Variants in MEI1 observed in about 807,000 individuals in gnomAD.
The protein encoded by MEI1 is meiotic double-stranded break formation protein 1.
A neutral mutation model predicts 146.2 loss-of-function variants in MEI1; 103 were observed. The ratio of observed to expected loss-of-function variants is 0.70; its 90% CI spans 0.60 to 0.83. The LOEUF (loss-of-function observed/expected upper bound fraction) is 0.83. Among genes scored for constraint, MEI1 ranks in the 40% least tolerant of loss-of-function variants. The pLI is 0.00. For missense variants in MEI1, 1,529 were observed against 1,533.0 expected (o/e 1.00, Z 0.04); for synonymous variants, 652 against 628.2 (o/e 1.04, Z -0.57).
At chr22:41,718,421 G>A (rs2070417048) in intron 6 of MEI1, 147 bp downstream of exon 6, 1 of 686,484 alleles carries the variant, frequency 1.5e-6, no homozygotes, top group Non-Finnish European at 2.4e-6. Context: ...GAGACACACT[G>A]TGTGAAAGAT....
intron 1 of MEI1, among the ~76,000 whole-genome samples, chr22:41,700,392 G>A (rs964167720): frequency 6.6e-6 from 1 of 152,212 alleles, no homozygotes; most frequent in Non-Finnish European, 1.5e-5. Flanking sequence ...GTGCAATGGC[G>A]CCATCTCCGC....
In MEI1 at chr22:41,795,798, G is replaced by C. The variant is rs752007109; in HGVS notation, c.3730G>C (p.Gly1244Arg). ...CCAGACCCTGCAGGCCTCCTTGGAG[G>C]GCCTTCCCCCTAGCACCTCCTCAGG... ...MAQTLQASLE[G>R]LPPSTSSGQP... Residue 1244 changes from glycine to arginine, a missense_variant, in exon 30 of 31, where the codon GGC becomes CGC. Physicochemically the swap from Gly to Arg is moderately radical, Grantham distance 125 (BLOSUM62 -2). Coordinates refer to ENST00000401548, the MANE Select transcript of MEI1 (RefSeq NM_152513.4). This position sits in a 1 kb window ranked among gnomAD's most constrained non-coding sequence, Gnocchi z 4.2. 3.7e-6 allele frequency: 6 copies of C among 1,613,676 alleles called. No homozygotes were observed. The Admixed American group carries it at 8.3e-5, about 22-fold the overall frequency.
rs1421641705 is a variant in MEI1, at chr22:41,778,703, C to T, written c.2711-5C>T. On this transcript the variant is annotated splice_polypyrimidine_tract_variant and splice_region_variant and intron_variant, in intron 21 of 30. Transcript: ENST00000401548. The stretch of plus-strand genomic sequence containing the variant: ...TTCTTGCCCAGTCCTCCTTGTTCTT[C>T]ACAGCCTCGGGGAACCTACCATTGC... 1 of 1,594,030 alleles carries T rather than the reference C, an allele frequency of 6.3e-7. No homozygotes were observed.
chr22:41,742,674 C>A (rs2072980963), intron 11 of MEI1, among the ~76,000 whole-genome samples: 1 of 152,198 alleles, frequency 6.6e-6, no homozygotes, highest in African/African-American at 2.4e-5. Flanking sequence ...TTTTTTGAGA[C>A]AAAGTCTTGT....
chr22:41,771,205 C>T (rs1181501023), intron 20 of MEI1, among the ~76,000 whole-genome samples: 1 of 152,110 alleles, frequency 6.6e-6, no homozygotes, highest in Non-Finnish European at 1.5e-5. Flanking sequence ...CCTCTCTTCC[C>T]CCCAGGGGAT....
chr22:41,717,163 A>T (rs1439610087), intron 5 of MEI1, among the ~76,000 whole-genome samples: 6 of 152,028 alleles, frequency 3.9e-5, no homozygotes, highest in African/African-American at 1.4e-4. Context: ...TCCCCTTTTT[A>T]AAAAAATTAA....
intron 5 of MEI1, among the ~76,000 whole-genome samples, chr22:41,716,355 CTTTTTTTTTTTTTTTTTTTTTTTTT>C (rs6147630): frequency 1.3e-3 from 155 of 118,558 alleles, no homozygotes; most frequent in Admixed American, 1.4e-3. Context: ...TCCATTCATT[CTTTTTTTTTTTTTTTTTTTTTTTTT>C]TTTTTTTTTT....
intron 15 of MEI1, 47 bp from the exon 16 acceptor site, chr22:41,752,544 C>T (rs2073829459): frequency 6.6e-7 from 1 of 1,525,976 alleles, no homozygotes; most frequent in African/African-American, 1.4e-5. Flanking sequence ...CTCTCTGTGA[C>T]AAGTCTGGTT....
intron 6 of MEI1, among the ~76,000 whole-genome samples, chr22:41,719,407 G>A (rs1601717749): frequency 6.6e-6 from 1 of 152,216 alleles, no homozygotes; most frequent in South Asian, 2.1e-4. Context: ...GGCTGGTCTC[G>A]AACTCCTGAT....
intron 21 of MEI1, among the ~76,000 whole-genome samples, chr22:41,778,301 A>AT (rs55810731): frequency 0.64 from 97,091 of 152,028 alleles, 34,150 homozygotes; most frequent in East Asian, 0.92. Context: ...ATACTATTAC[A>AT]TTGGGGGTTA....
At chr22:41,708,862 A>C (rs1465122172) in intron 3 of MEI1, among the ~76,000 whole-genome samples, 1 of 152,216 alleles carries the variant, frequency 6.6e-6, no homozygotes, top group Non-Finnish European at 1.5e-5. Context: ...TAAGGGAGTT[A>C]AGTCTATGCT....
In MEI1 at chr22:41,781,620, A is replaced by G. The variant is rs935029306; in HGVS notation, c.2927-65A>G. 27 of 1,567,036 alleles carry G rather than the reference A, an allele frequency of 1.7e-5. No individual in the cohort carries two copies. The African/African-American group carries it at 2.8e-4, about 16-fold the overall frequency. On this transcript the variant is annotated intron_variant, in intron 23 of 30. Coordinates refer to ENST00000401548, the MANE Select transcript of MEI1 (RefSeq NM_152513.4). ...AAGCCCCAATCAGGTGCTAAGCACC[A>G]TAGTGGCACTTAGCTGAAGCTCCTC...
intron 13 of MEI1, 73 bp from the exon 14 acceptor site, chr22:41,745,812 C>G: frequency 6.9e-7 from 1 of 1,443,774 alleles, no homozygotes; most frequent in Non-Finnish European, 9.3e-7. Flanking sequence ...CTCCCCGCCA[C>G]CCCCCAGGAA....
At chr22:41,787,436 C>A (rs73163337) in intron 26 of MEI1, among the ~76,000 whole-genome samples, 15,724 of 152,248 alleles carry the variant, frequency 0.1, 1,011 homozygotes, top group South Asian at 0.2. Context: ...AAAACACCCT[C>A]CTTCTTGCCA....
At chr22:41,732,747 C>A in intron 11 of MEI1, 144 bp downstream of exon 11, 3 of 894,226 alleles carry the variant, frequency 3.4e-6, no homozygotes, top group Non-Finnish European at 4.8e-6. Context: ...ATTCCACATC[C>A]ATGGATTCAA....
At chr22:41,775,980 C>T in intron 20 of MEI1, 122 bp from the exon 21 acceptor site, 3 of 963,306 alleles carry the variant, frequency 3.1e-6, no homozygotes, top group Non-Finnish European at 3.1e-6. Flanking sequence ...GAGTAAGTGA[C>T]AGATTACCCA....
At chr22:41,715,001 A>G (rs939854049) in intron 4 of MEI1, among the ~76,000 whole-genome samples, 7 of 152,258 alleles carry the variant, frequency 4.6e-5, no homozygotes, top group Non-Finnish European at 8.8e-5. Flanking sequence ...TGTTAAAACC[A>G]TCAAGAACAT....
At chr22:41,750,310 GC>G (rs2073661273) in intron 15 of MEI1, among the ~76,000 whole-genome samples, 1 of 152,234 alleles carries the variant, frequency 6.6e-6, no homozygotes, top group African/African-American at 2.4e-5. Context: ...TATTAAGGAA[GC>G]CAAATGAAGA....
chr22:41,778,662 G>A (rs1458885305), intron 21 of MEI1, 46 bp from the exon 22 acceptor site: 1 of 1,462,944 alleles, frequency 6.8e-7, no homozygotes, highest in Non-Finnish European at 9.4e-7. Flanking sequence ...ACCTTCAGGT[G>A]ATCTGAGCAT....
Sources: allele counts gnomAD v4.1 joint callset (sites outside exome capture counted in the v4.1 genomes callset), GRCh38; gene constraint gnomAD v4.1.1; non-coding constraint Gnocchi (gnomAD v3.1); transcripts MANE v1.5; gene names NCBI Gene and HGNC (gene_info 2026-07-23, HGNC 2026-07-21).